Variants in REV1 observed in about 807,000 individuals in gnomAD.
The protein encoded by REV1 is REV1 DNA directed polymerase.
In REV1, 42 loss-of-function variants were observed where a neutral mutation model predicts 137.4. That is an observed-to-expected ratio of 0.31 (90% CI 0.24 to 0.40). The LOEUF is 0.40. Among genes scored for constraint, REV1 ranks in the 10% least tolerant of loss-of-function variants. The pLI, the probability that REV1 is intolerant of heterozygous loss-of-function variation, is 1.00. For synonymous variants in REV1, 524 were observed against 519.2 expected (o/e 1.01, Z -0.12); for missense variants, 1,282 against 1,490.1 (o/e 0.86, Z 2.30).
intron 3 of REV1, among the ~76,000 whole-genome samples, chr2:99,461,242 A>C (rs1559387940): frequency 6.6e-6 from 1 of 152,262 alleles, no homozygotes; most frequent in Non-Finnish European, 1.5e-5. Flanking sequence ...CTCTTCTCTT[A>C]CTAAACCAGA....
At chr2:99,451,535 A>G (rs774703040) in intron 3 of REV1, 2 of 1,262,946 alleles carry the variant, frequency 1.6e-6, no homozygotes, top group Admixed American at 4.6e-5. Flanking sequence ...AAACTATGGA[A>G]TAAGACCGAT....
At chr2:99,483,390 A>G (rs750294103) in intron 1 of REV1, among the ~76,000 whole-genome samples, 1 of 152,216 alleles carries the variant, frequency 6.6e-6, no homozygotes, top group Non-Finnish European at 1.5e-5. Context: ...AGCCTTGGGT[A>G]TGATCAGGAA....
In REV1 at chr2:99,406,441, G is replaced by A. The variant is rs1559284526; in HGVS notation, c.2498C>T (p.Thr833Ile). The A allele has an allele frequency of 6.2e-7, 1 of 1,613,702 alleles. No homozygotes were observed. The highest frequency in any genetic ancestry group is 8.5e-7 in the Non-Finnish European group (1 of 1,179,730). ...QLVPTNLNPS[T>I]CPSRPSVQSS... The stretch of plus-strand genomic sequence containing the variant: ...CTGAACTGATGGGCGACTGGGACAT[G>A]TGGAAGGGTTCAGATTAGTTGGAAC... Residue 833 changes from threonine (T) to isoleucine (I), a missense_variant, in exon 16 of 23, where the codon ACA (threonine) becomes ATA (isoleucine). By Grantham distance (89) the Thr-to-Ile change is moderately conservative. This residue lies in a region of REV1 where 372 missense variants were observed against 482.3 expected (regional missense o/e 0.77). Coordinates refer to ENST00000258428, the MANE Select transcript of REV1 (RefSeq NM_016316.4).
At chr2:99,403,640 G>A in intron 19 of REV1, 55 bp downstream of exon 19, 1 of 1,611,696 alleles carries the variant, frequency 6.2e-7, no homozygotes, top group Non-Finnish European at 8.5e-7. Flanking sequence ...TTAGACAACA[G>A]TGACTCCATT....
chr2:99,409,346 C>T (rs1036990135), intron 14 of REV1, among the ~76,000 whole-genome samples: 3 of 152,108 alleles, frequency 2.0e-5, no homozygotes, highest in Non-Finnish European at 4.4e-5. Context: ...TACATGAATG[C>T]ACCATGTATG....
chr2:99,457,897 T>C (rs1430448213), intron 3 of REV1, among the ~76,000 whole-genome samples: 1 of 151,322 alleles, frequency 6.6e-6, no homozygotes, highest in African/African-American at 2.4e-5. Flanking sequence ...CACCAAAATA[T>C]GCCTAACTGA....
At chr2:99,476,628 C>T (rs1450727171) in intron 1 of REV1, among the ~76,000 whole-genome samples, 1 of 152,094 alleles carries the variant, frequency 6.6e-6, no homozygotes, top group Non-Finnish European at 1.5e-5. Context: ...TTGAGCCACT[C>T]CAGATAGTTT....
chr2:99,416,322 C>T (rs1016679604), intron 12 of REV1, among the ~76,000 whole-genome samples: 1 of 152,228 alleles, frequency 6.6e-6, no homozygotes, highest in Admixed American at 6.5e-5. Context: ...CAAACCCCTC[C>T]ACCACAGAAG....
intron 3 of REV1, among the ~76,000 whole-genome samples, chr2:99,456,183 T>C (rs972287862): frequency 2.6e-5 from 4 of 152,218 alleles, no homozygotes; most frequent in Non-Finnish European, 2.9e-5. Flanking sequence ...GTGAAAATAT[T>C]TTAACATTCT....
intron 3 of REV1, among the ~76,000 whole-genome samples, chr2:99,459,542 C>CA (rs1262355831): frequency 1.3e-5 from 2 of 151,928 alleles, no homozygotes; most frequent in Non-Finnish European, 2.9e-5. Flanking sequence ...CTTGTCTCTA[C>CA]AAAAAATTAA....
At chr2:99,457,640 A>T (rs1453172412) in intron 3 of REV1, among the ~76,000 whole-genome samples, 2 of 151,862 alleles carry the variant, frequency 1.3e-5, no homozygotes, top group African/African-American at 4.8e-5. Context: ...AGCTGAGATC[A>T]TACCACTGTA....
chr2:99,406,774 A>G (rs1676350909), intron 15 of REV1: 2 of 226,872 alleles, frequency 8.8e-6, no homozygotes, highest in South Asian at 3.5e-4. Context: ...GGAATACTGT[A>G]TTCCACTGAT....
intron 9 of REV1, among the ~76,000 whole-genome samples, chr2:99,426,731 C>G (rs1489271425): frequency 6.6e-6 from 1 of 152,142 alleles, no homozygotes; most frequent in Non-Finnish European, 1.5e-5. Context: ...CGTGACTCAT[C>G]TATTACAACT....
chr2:99,489,660 C>T (rs954340886), intron 1 of REV1, among the ~76,000 whole-genome samples, 157 bp downstream of exon 1: 4 of 149,282 alleles, frequency 2.7e-5, no homozygotes, highest in Non-Finnish European at 6.0e-5. Flanking sequence ...CGCGACAGGA[C>T]GGCCGCGGGC....
chr2:99,478,596 A>G (rs1686240985), intron 1 of REV1, among the ~76,000 whole-genome samples: 1 of 152,258 alleles, frequency 6.6e-6, no homozygotes, highest in Non-Finnish European at 1.5e-5. Context: ...GCAATAAATC[A>G]GGGATTCCAA....
chr2:99,458,984 A>G (rs564382996), intron 3 of REV1, among the ~76,000 whole-genome samples: 91 of 152,168 alleles, frequency 6.0e-4, no homozygotes, highest in Admixed American at 2.1e-3. Flanking sequence ...CAAGGTGGGC[A>G]GATCACGAGG....
chr2:99,417,405 C>T (rs1218829317), intron 12 of REV1, among the ~76,000 whole-genome samples: 1 of 152,106 alleles, frequency 6.6e-6, no homozygotes, highest in African/African-American at 2.4e-5. Context: ...CGGCCTCCCA[C>T]AGTGCTGGGA....
At chr2:99,406,197 C>G in intron 16 of REV1, 91 bp from the exon 17 acceptor site, 1 of 1,379,482 alleles carries the variant, frequency 7.2e-7, no homozygotes, top group Non-Finnish European at 9.8e-7. Context: ...AACTTTATTA[C>G]TGATTCATCA....
intron 1 of REV1, among the ~76,000 whole-genome samples, chr2:99,484,616 A>G (rs1057408706): frequency 6.6e-6 from 1 of 152,222 alleles, no homozygotes; most frequent in African/African-American, 2.4e-5. Flanking sequence ...AACATTAATT[A>G]CGATGCAAGT....
Sources: gnomAD v4.1 joint callset for allele counts (sites outside exome capture counted in the v4.1 genomes callset) on GRCh38, gnomAD v4.1.1 for gene constraint, gnomAD v4.1.1 regional missense constraint, MANE v1.5 for transcripts, NCBI Gene and HGNC (gene_info 2026-07-23, HGNC 2026-07-21) for gene names.